The following AGBL4 variants were observed in gnomAD, a reference collection of about 807,000 sequenced individuals.
AGBL4 encodes cytosolic carboxypeptidase 6.
A neutral mutation model predicts 66.4 loss-of-function variants in AGBL4; 58 were observed. The observed-to-expected ratio is 0.87, with a 90% CI of 0.71 to 1.09. The LOEUF (loss-of-function observed/expected upper bound fraction) is 1.09, where lower values mean the gene tolerates loss of function less well. AGBL4 is among the 50% of genes least tolerant of loss of function. AGBL4 has a pLI of 0.00. For synonymous variants in AGBL4, 234 were observed against 222.9 expected, an observed-to-expected ratio of 1.05 and a Z score of -0.44; for missense variants, 579 against 631.0, an observed-to-expected ratio of 0.92 and a Z score of 0.88.
At chr1:49,916,116 A>G (rs952363331) in intron 1 of AGBL4, among the ~76,000 whole-genome samples, 1 of 152,176 alleles carries the variant, frequency 6.6e-6, no homozygotes, top group Non-Finnish European at 1.5e-5. Flanking sequence ...AAGGTAGATA[A>G]AACCACAAAG....
intron 1 of AGBL4, among the ~76,000 whole-genome samples, chr1:49,856,724 A>T (rs1646442456): frequency 6.6e-6 from 1 of 152,092 alleles, no homozygotes; most frequent in African/African-American, 2.4e-5. Flanking sequence ...CAGAAAGAAC[A>T]TATCTCAACA....
chr1:49,533,450 T>C (rs1297992575), intron 3 of AGBL4, among the ~76,000 whole-genome samples: 1 of 152,176 alleles, frequency 6.6e-6, no homozygotes, highest in Non-Finnish European at 1.5e-5. Context: ...CACTTATTCT[T>C]GTTCTCCCGT....
intron 2 of AGBL4, among the ~76,000 whole-genome samples, chr1:49,818,185 T>C (rs907496859): frequency 1.2e-4 from 18 of 152,234 alleles, no homozygotes; most frequent in Admixed American, 1.2e-3. Flanking sequence ...CTACTTAATA[T>C]CCACATAAGA....
intron 6 of AGBL4, among the ~76,000 whole-genome samples, chr1:48,751,671 G>A (rs895290289): frequency 1.3e-5 from 2 of 152,150 alleles, no homozygotes; most frequent in Admixed American, 1.3e-4. Flanking sequence ...CTTGTCACAT[G>A]GCAATATGGA....
chr1:49,651,254 G>T (rs779957733), intron 3 of AGBL4, among the ~76,000 whole-genome samples: 1 of 152,230 alleles, frequency 6.6e-6, no homozygotes, highest in Non-Finnish European at 1.5e-5. Flanking sequence ...CCAGGACAAG[G>T]AACTGGTGCA....
intron 2 of AGBL4, among the ~76,000 whole-genome samples, chr1:49,723,547 C>G (rs1451673073): frequency 1.3e-5 from 2 of 152,262 alleles, no homozygotes. Context: ...GATATACAAT[C>G]TTGGCACATT....
At chr1:48,716,166 T>C (rs1210192140) in intron 6 of AGBL4, among the ~76,000 whole-genome samples, 1 of 152,198 alleles carries the variant, frequency 6.6e-6, no homozygotes, top group Non-Finnish European at 1.5e-5. Context: ...GCCACTCTGG[T>C]TGGCTCTGAA....
At position 48,724,241 on chromosome 1, in the gene AGBL4, CT is replaced by C. The variant is rs35580187; in HGVS notation, c.635-61001del. Among the ~76,000 whole-genome samples, 315 of 152,288 alleles carry C rather than the reference CT, an allele frequency of 2.1e-3. 2 individuals carry two copies. The highest frequency in any genetic ancestry group is 7.2e-3 in the African/African-American group (301 of 41,558). ...ACTCCTAATAACCCCATAACTAGAC[CT>C]TATTTCCTCCATTTTGCAGATGAAG... On this transcript the variant is annotated intron_variant, in intron 6 of 13. Coordinates refer to ENST00000371839, the MANE Select transcript of AGBL4 (RefSeq NM_032785.4).
chr1:50,010,617 G>A (rs1030247859), intron 1 of AGBL4, among the ~76,000 whole-genome samples: 4 of 151,960 alleles, frequency 2.6e-5, no homozygotes, highest in Non-Finnish European at 5.9e-5. Context: ...CATAAAAACA[G>A]ACACATAGAC....
chr1:48,638,382 G>T (rs1168783868), intron 8 of AGBL4, among the ~76,000 whole-genome samples: 4 of 152,100 alleles, frequency 2.6e-5, no homozygotes, highest in Admixed American at 2.6e-4. Context: ...GCACCTGTAG[G>T]CTTCTGTTTT....
At chr1:49,582,355 T>TG (rs970059539) in intron 3 of AGBL4, among the ~76,000 whole-genome samples, 34 of 152,218 alleles carry the variant, frequency 2.2e-4, no homozygotes, top group African/African-American at 8.2e-4. Context: ...GTCCCAGCTG[T>TG]CACAGCCTTG....
intron 2 of AGBL4, among the ~76,000 whole-genome samples, chr1:49,701,008 T>TA (rs1360068501): frequency 6.6e-6 from 1 of 152,080 alleles, no homozygotes; most frequent in Admixed American, 6.6e-5. Context: ...CTTTTAATAT[T>TA]AAAAAACTCT....
intron 9 of AGBL4, among the ~76,000 whole-genome samples, chr1:48,606,381 T>A (rs910863366): frequency 1.3e-5 from 2 of 152,188 alleles, no homozygotes; most frequent in Non-Finnish European, 2.9e-5. Context: ...CTTCATGGCA[T>A]TTTAGGAAAA....
intron 3 of AGBL4, among the ~76,000 whole-genome samples, chr1:49,667,402 G>A (rs1297028735): frequency 1.3e-5 from 2 of 152,022 alleles, no homozygotes; most frequent in Non-Finnish European, 2.9e-5. Flanking sequence ...AGGCTTCAAC[G>A]AGCTGTGATT....
intron 5 of AGBL4, among the ~76,000 whole-genome samples, chr1:49,010,432 A>G (rs1194372780): frequency 5.2e-5 from 7 of 135,362 alleles, no homozygotes; most frequent in African/African-American, 1.7e-4. Flanking sequence ...AAGAATCAAT[A>G]TCGTGAAAAT....
At chr1:48,676,549 C>A (rs1646368491) in intron 6 of AGBL4, among the ~76,000 whole-genome samples, 1 of 152,164 alleles carries the variant, frequency 6.6e-6, no homozygotes, top group Non-Finnish European at 1.5e-5. Context: ...ATAGTGCCTG[C>A]CACATAGGAA....
intron 2 of AGBL4, among the ~76,000 whole-genome samples, chr1:49,816,941 T>C (rs969243488): frequency 2.0e-5 from 3 of 152,126 alleles, no homozygotes; most frequent in Non-Finnish European, 4.4e-5. Flanking sequence ...AAAATCAGAT[T>C]GGTCAAACTG....
intron 1 of AGBL4, among the ~76,000 whole-genome samples, chr1:50,003,528 T>G (rs1330295589): frequency 6.6e-6 from 1 of 152,234 alleles, no homozygotes; most frequent in Non-Finnish European, 1.5e-5. Context: ...TATTTCTTCT[T>G]TTCAGCACTA....
At chr1:48,714,323 G>A (rs1371398697) in intron 6 of AGBL4, among the ~76,000 whole-genome samples, 2 of 152,136 alleles carry the variant, frequency 1.3e-5, no homozygotes, top group Non-Finnish European at 2.9e-5. Flanking sequence ...ACCCCAGGGA[G>A]GACAAATCTT....
Sources: allele counts gnomAD v4.1 joint callset (sites outside exome capture counted in the v4.1 genomes callset), GRCh38; gene constraint gnomAD v4.1.1; transcripts MANE v1.5; gene names NCBI Gene and HGNC (gene_info 2026-07-23, HGNC 2026-07-21).